NAB1: variants seen among roughly 807,000 people sequenced by gnomAD.
The protein encoded by NAB1 is NGFI-A binding protein 1.
In NAB1, 25 loss-of-function variants were observed where a neutral mutation model predicts 49.9. That is an observed-to-expected ratio of 0.50 (90% confidence interval 0.37 to 0.70). The LOEUF is 0.70. Among genes scored for constraint, NAB1 ranks in the 30% least tolerant of loss-of-function variants. The probability of loss-of-function intolerance (pLI) is 0.00; values close to 1 mark genes in which losing one functional copy is unlikely to be tolerated. For missense variants in NAB1, 489 were observed against 575.9 expected (o/e 0.85, Z 1.54); for synonymous variants, 198 against 215.6 (o/e 0.92, Z 0.71).
intron 4 of NAB1, among the ~76,000 whole-genome samples, chr2:190,661,272 C>T (rs565757790): frequency 6.6e-6 from 1 of 152,228 alleles, no homozygotes; most frequent in Non-Finnish European, 1.5e-5. Flanking sequence ...AATGTTGGAG[C>T]TTGAGATCAG....
chr2:190,653,532 C>G (rs1693772315), intron 2 of NAB1, among the ~76,000 whole-genome samples: 2 of 152,022 alleles, frequency 1.3e-5, no homozygotes, highest in East Asian at 3.9e-4. Context: ...AGGATTTTGC[C>G]CGTGGTTTCT....
rs1694003271 is a variant in NAB1 at position 190,657,756 on chromosome 2, T to A, written c.-19-1402T>A. ...TGGCTTGGAGTGACTGAGACTAGAA[T>A]TTTGTGTAGCATTCTGATTGGTGGC... On this transcript the variant is annotated intron_variant, in intron 3 of 9. Transcript: ENST00000337386. The surrounding 1 kb of genome is among the most constrained non-coding windows in gnomAD (Gnocchi z 4.4). 6.6e-6 allele frequency among the ~76,000 whole-genome samples: 1 copy of A among 152,198 alleles called. No individual in the cohort carries two copies. The highest frequency in any genetic ancestry group is 1.5e-5 in the Non-Finnish European group (1 of 68,028).
intron 5 of NAB1, among the ~76,000 whole-genome samples, chr2:190,672,621 T>C (rs983973173): frequency 1.3e-5 from 2 of 152,208 alleles, no homozygotes. Context: ...TTATTCCTAC[T>C]GAACCATAAA....
chr2:190,670,684 A>G lies in NAB1; in HGVS notation c.953+225A>G, dbSNP rs1694758635. 6.6e-6 allele frequency among the ~76,000 whole-genome samples: 1 copy of G among 152,168 alleles called. No individual in the cohort carries two copies. Among genetic ancestry groups the G allele is most frequent in the African/African-American group, 2.4e-5 (1 of 41,438 alleles). ...GGCATCATTCTCTAGTTACTATAGC[A>G]TTGTTCTGGTAGTGGTTTTAAACAT... On this transcript the variant is annotated intron_variant, in intron 5 of 9. Transcript: ENST00000337386. The surrounding 1 kb of genome is among the most constrained non-coding windows in gnomAD (Gnocchi z 5.3).
chr2:190,686,630 A>T lies in NAB1; in HGVS notation c.1259-571A>T, dbSNP rs144385613. ...CCTTAACAGTTAAGAAGCAAAGGCA[A>T]TTATTAAAGATTTGGTGACTCTAAT... On this transcript the variant is annotated intron_variant, in intron 8 of 9. Transcript: ENST00000337386. The surrounding 1 kb of genome is among the most constrained non-coding windows in gnomAD (Gnocchi z 5.5). Among the ~76,000 whole-genome samples, 6 of 152,328 alleles carry T rather than the reference A, an allele frequency of 3.9e-5. No homozygotes were observed. The highest frequency in any genetic ancestry group is 2.1e-4 in the South Asian group (1 of 4,828).
In NAB1 at chr2:190,669,109, G is replaced by T. The variant is rs143761172; in HGVS notation, c.820-1217G>T. Among the ~76,000 whole-genome samples, 13 of 152,322 alleles carry T rather than the reference G, an allele frequency of 8.5e-5. No individual in the cohort carries two copies. The highest frequency in any genetic ancestry group is 2.6e-4 in the African/African-American group (11 of 41,564). On this transcript the variant is annotated intron_variant, in intron 4 of 9. Transcript: ENST00000337386. The surrounding 1 kb of genome is among the most constrained non-coding windows in gnomAD (Gnocchi z 4.3). ...TGGCCACCAAGTGACTGACAGCCAG[G>T]AGTATAGACAGTGTAGATACACTGG...
Position 190,659,998 on chromosome 2 carries a change from A to G in NAB1, c.819+3A>G, listed in dbSNP as rs779568155. On this transcript the variant is annotated splice_donor_region_variant and intron_variant, in intron 4 of 9. Transcript: ENST00000337386. The surrounding 1 kb of genome is among the most constrained non-coding windows in gnomAD (Gnocchi z 6.2). ...GGAAACATCTCACACTTCATGAGGT[A>G]CAAAGCCCGCGTTGTTCCTTCTGTG... 26 of 1,606,476 alleles carry G rather than the reference A, an allele frequency of 1.6e-5. No individual in the cohort carries two copies. Among genetic ancestry groups the G allele is most frequent in the Admixed American group, 6.7e-5 (4 of 59,818 alleles).
In NAB1 at chr2:190,649,416, C is replaced by G. The variant is rs1648777664; in HGVS notation, c.-334+56C>G. 2 of 152,244 alleles carry G rather than the reference C, an allele frequency of 1.3e-5. No individual in the cohort carries two copies. Among genetic ancestry groups the G allele is most frequent in the African/African-American group, 4.8e-5 (2 of 41,440 alleles). 9.4% of individuals were successfully genotyped at this position (152,244 alleles called of 1,614,324 possible). A position where few individuals can be genotyped will look rare whatever the true frequency, so the allele number is the denominator to read the frequency against. On this transcript the variant is annotated intron_variant, in intron 1 of 9. Coordinates refer to ENST00000337386, the MANE Select transcript of NAB1 (RefSeq NM_005966.4). This position sits in a 1 kb window ranked among gnomAD's most constrained non-coding sequence, Gnocchi z 6.1. ...CGGTCCGCCAAGTGCGGGACACTTT[C>G]GCGGCTGAGCGGCCACGGGCGAACT...
intron 5 of NAB1, among the ~76,000 whole-genome samples, chr2:190,671,995 C>T (rs1437697588): frequency 1.3e-5 from 2 of 152,010 alleles, no homozygotes; most frequent in African/African-American, 4.8e-5. Flanking sequence ...AGGATGGTCT[C>T]GATCTCTTGA....
At position 190,659,943 on chromosome 2, in the gene NAB1, A is replaced by G; in HGVS notation, c.767A>G (p.Tyr256Cys). 6.2e-7 allele frequency: 1 copy of G among 1,614,072 alleles called. No individual in the cohort carries two copies. ...GAAATTCGGAAATACAGTGCAATAT[A>G]TGGCAGATTTGACTCAAAGAGGAAG... ...EEEIRKYSAI[Y>C]GRFDSKRKDG... The change falls in exon 4 of 10, where the codon TAT becomes TGT. Residue 256 changes from tyrosine (Y) to cysteine (C), a missense_variant. By Grantham distance (194) the Tyr-to-Cys change is radical. Transcript: ENST00000337386. This position sits in a 1 kb window ranked among gnomAD's most constrained non-coding sequence, Gnocchi z 6.2.
intron 4 of NAB1, among the ~76,000 whole-genome samples, chr2:190,660,519 C>T (rs931048400): frequency 6.6e-6 from 1 of 152,114 alleles, no homozygotes; most frequent in Non-Finnish European, 1.5e-5. Flanking sequence ...TTATAGTACT[C>T]TAGACATAGT....
chr2:190,683,994 C>G (rs1695485186), intron 7 of NAB1, among the ~76,000 whole-genome samples, 167 bp downstream of exon 7: 1 of 152,154 alleles, frequency 6.6e-6, no homozygotes. Context: ...AGAGCAATAA[C>G]AACTTGGTTT....
At position 190,684,483 on chromosome 2, in the gene NAB1, A is replaced by T. The variant is rs898259089; in HGVS notation, c.1095+656A>T. On this transcript the variant is annotated intron_variant, in intron 7 of 9. Transcript: ENST00000337386. The surrounding 1 kb of genome is among the most constrained non-coding windows in gnomAD (Gnocchi z 4.6). Reference sequence around the variant, plus strand: ...GAAAAATACATTTTTTACCTCAGATATGCTTATTTAAATTTTGTCAATTTA... The same window carrying T: ...GAAAAATACATTTTTTACCTCAGATTTGCTTATTTAAATTTTGTCAATTTA... Among the ~76,000 whole-genome samples, 13 of 152,144 alleles carry T rather than the reference A, an allele frequency of 8.5e-5. No individual in the cohort carries two copies. The highest frequency in any genetic ancestry group is 2.9e-4 in the African/African-American group (12 of 41,442).
chr2:190,681,234 G>A (rs1695326002), intron 6 of NAB1, among the ~76,000 whole-genome samples: 1 of 152,182 alleles, frequency 6.6e-6, no homozygotes, highest in African/African-American at 2.4e-5. Context: ...CTGTGATGAA[G>A]ATTAAATGAA....
At position 190,649,683 on chromosome 2, in the gene NAB1, T is replaced by TG. The variant is rs1559219059; in HGVS notation, c.-333-158dup. On this transcript the variant is annotated intron_variant, in intron 1 of 9. Transcript: ENST00000337386. The surrounding 1 kb of genome is among the most constrained non-coding windows in gnomAD (Gnocchi z 6.1). ...GGGCTGGGGGCGTCACACGGCGCTCTGGGGGTGTGCGATGTGGGTTGTGCG... is the reference window on the plus strand; with the variant it reads ...GGGCTGGGGGCGTCACACGGCGCTCTGGGGGGTGTGCGATGTGGGTTGTGCG... The TG allele has an allele frequency of 6.6e-6, 1 of 151,990 alleles. No individual in the cohort carries two copies. The highest frequency in any genetic ancestry group is 1.5e-5 in the Non-Finnish European group (1 of 68,212). 9.4% of individuals were successfully genotyped at this position (151,990 alleles called of 1,614,324 possible). A position where few individuals can be genotyped will look rare whatever the true frequency, so the allele number is the denominator to read the frequency against.
In NAB1 at chr2:190,670,206, T is replaced by G. The variant is rs1463580000; in HGVS notation, c.820-120T>G. 1 of 993,524 alleles carries G rather than the reference T, an allele frequency of 1.0e-6. No individual in the cohort carries two copies. Among genetic ancestry groups the G allele is most frequent in the Non-Finnish European group, 1.4e-6 (1 of 710,174 alleles). 61.5% of individuals were successfully genotyped at this position (993,524 alleles called of 1,614,324 possible). On this transcript the variant is annotated intron_variant, in intron 4 of 9. Transcript: ENST00000337386. The surrounding 1 kb of genome is among the most constrained non-coding windows in gnomAD (Gnocchi z 5.3). ...AATTAGGAATAAATACCATTCTGAT[T>G]TTTATGAATAATGATTCCATTATAT...
rs1694093969 is a variant in NAB1, at chr2:190,659,238, C to T, written c.62C>T (p.Ala21Val). Residue 21 changes from alanine (A) to valine (V), a missense_variant, in exon 4 of 10, where the codon GCC (alanine) becomes GTC (valine). Physicochemically the swap from Ala to Val is moderately conservative, Grantham distance 64. Transcript: ENST00000337386. This position sits in a 1 kb window ranked among gnomAD's most constrained non-coding sequence, Gnocchi z 6.2. ...ELQLYRILQK[A>V]NLLSYFDAFI... ...CAGCTGTATAGAATATTACAAAAAG[C>T]CAATCTACTTTCTTATTTTGATGCC... The T allele has an allele frequency of 1.2e-6, 2 of 1,613,532 alleles. No individual in the cohort carries two copies. The highest frequency in any genetic ancestry group is 1.7e-6 in the Non-Finnish European group (2 of 1,179,972).
At chr2:190,687,153 C>T (rs765037796) in intron 8 of NAB1, 48 bp from the exon 9 acceptor site, 1 of 1,224,116 alleles carries the variant, frequency 8.2e-7, no homozygotes, top group Non-Finnish European at 1.1e-6. Context: ...TAAGAAAAAC[C>T]ATGGTATGTT....
chr2:190,687,395 CAA>C (rs60742412), intron 9 of NAB1, 78 bp downstream of exon 9: 11,345 of 160,778 alleles, frequency 0.071, 161 homozygotes, highest in African/African-American at 0.11. Context: ...CCTCCCCCAT[CAA>C]AAAAAAAAAA....
Sources: gnomAD v4.1 joint callset for allele counts (sites outside exome capture counted in the v4.1 genomes callset) on GRCh38, gnomAD v4.1.1 for gene constraint, Gnocchi (gnomAD v3.1) non-coding constraint, MANE v1.5 for transcripts, NCBI Gene and HGNC (gene_info 2026-07-23, HGNC 2026-07-21) for gene names.